PALS2: variants seen among roughly 807,000 people sequenced by gnomAD.
The protein encoded by PALS2 is protein associated with LIN7 2, MAGUK p55 family member, also known as protein PALS2.
PALS2 carries 27 observed loss-of-function variants against 61.6 expected under a neutral mutation model. The observed-to-expected ratio is 0.44, with a 90% CI of 0.32 to 0.60. The LOEUF (loss-of-function observed/expected upper bound fraction) is 0.60. Among genes scored for constraint, PALS2 ranks in the 20% least tolerant of loss-of-function variants. The pLI, the probability that PALS2 is intolerant of heterozygous loss-of-function variation, is 0.05. For synonymous variants in PALS2, 236 were observed against 218.6 expected, an observed-to-expected ratio of 1.08 and a Z score of -0.70; for missense variants, 554 against 639.4, an observed-to-expected ratio of 0.87 and a Z score of 1.44.
At chr7:24,607,542 C>T (rs1016853094) in intron 1 of PALS2, among the ~76,000 whole-genome samples, 15 of 148,734 alleles carry the variant, frequency 1.0e-4, no homozygotes, top group Admixed American at 3.3e-4. Context: ...TATATATACA[C>T]GTGTATATAT....
chr7:24,646,437 T>G (rs1055907378), intron 3 of PALS2, among the ~76,000 whole-genome samples: 7 of 152,234 alleles, frequency 4.6e-5, no homozygotes, highest in African/African-American at 1.7e-4. Flanking sequence ...TAGTTCTGTT[T>G]ATGTGATGAA....
chr7:24,631,084 C>T (rs902511863), intron 2 of PALS2, among the ~76,000 whole-genome samples: 2 of 152,154 alleles, frequency 1.3e-5, no homozygotes, highest in African/African-American at 2.4e-5. Context: ...CCATAGATTT[C>T]GATTCCTCTA....
chr7:24,585,242 A>G (rs1235744128), intron 1 of PALS2, among the ~76,000 whole-genome samples: 1 of 151,812 alleles, frequency 6.6e-6, no homozygotes, highest in Non-Finnish European at 1.5e-5. Flanking sequence ...GAATCTGTAA[A>G]TTACCTTGGG....
chr7:24,661,479 T>G (rs1786717567), intron 5 of PALS2, among the ~76,000 whole-genome samples: 1 of 152,196 alleles, frequency 6.6e-6, no homozygotes, highest in Admixed American at 6.5e-5. Flanking sequence ...GTCTGAGCTT[T>G]ATGGTTACAA....
intron 6 of PALS2, among the ~76,000 whole-genome samples, 184 bp downstream of exon 6, chr7:24,663,905 TTAA>T (rs944225719): frequency 2.0e-5 from 3 of 152,218 alleles, no homozygotes; most frequent in Non-Finnish European, 2.9e-5. Flanking sequence ...AATTTGCAAC[TTAA>T]TAAGTGCAGA....
rs760118245 is a variant in PALS2, at chr7:24,603,977, C to T, written c.-2-19689C>T. Among the ~76,000 whole-genome samples, 6 of 151,906 alleles carry T rather than the reference C, an allele frequency of 3.9e-5. No homozygotes were observed. The East Asian group carries it at 5.8e-4, about 15-fold the overall frequency. The stretch of plus-strand genomic sequence containing the variant: ...TCATCGGGAAAAATAGTCAATAAAA[C>T]GGACTCTGACTGGGCTCAGTGTTGG... On this transcript the variant is annotated intron_variant, in intron 1 of 11. Transcript: ENST00000222644.
At chr7:24,662,849 G>C (rs1464526279) in intron 5 of PALS2, among the ~76,000 whole-genome samples, 1 of 148,812 alleles carries the variant, frequency 6.7e-6, no homozygotes, top group Non-Finnish European at 1.5e-5. Context: ...TACCAAAAAT[G>C]CATAATTTAA....
rs1435590152 is a variant in PALS2 at position 24,573,465 on chromosome 7, T to A, written c.-131T>A. 5.3e-6 allele frequency: 2 copies of A among 378,510 alleles called. No individual in the cohort carries two copies. 23.4% of individuals were successfully genotyped at this position (378,510 alleles called of 1,614,324 possible). A position where few individuals can be genotyped will look rare whatever the true frequency, so the allele number is the denominator to read the frequency against. ...GCAGTGAGAGACGCATTTCCAGTTC[T>A]CAACTACGAGCCACGAGTTTGCAGA... On this transcript the variant is annotated 5_prime_UTR_variant, in exon 1 of 12. Coordinates refer to ENST00000222644, the MANE Select transcript of PALS2 (RefSeq NM_001303037.2). The surrounding 1 kb of genome is among the most constrained non-coding windows in gnomAD (Gnocchi z 5.3).
chr7:24,626,407 T>C lies in PALS2; in HGVS notation c.117+2623T>C, dbSNP rs572866281. 1.3e-4 allele frequency among the ~76,000 whole-genome samples: 20 copies of C among 152,272 alleles called. No homozygotes were observed. The South Asian group carries it at 3.9e-3, about 30-fold the overall frequency. ...GAAAGGAGAGAGGGAAGAAGAAATA[T>C]AGGTAAACCCTATACTTTTGCATTT... On this transcript the variant is annotated intron_variant, in intron 2 of 11. Coordinates refer to ENST00000222644, the MANE Select transcript of PALS2 (RefSeq NM_001303037.2).
At chr7:24,670,807 T>C (rs1481153670) in intron 9 of PALS2, among the ~76,000 whole-genome samples, 1 of 152,236 alleles carries the variant, frequency 6.6e-6, no homozygotes, top group Non-Finnish European at 1.5e-5. Context: ...TGTGGTGTTT[T>C]GTGACTGGCT....
intron 9 of PALS2, among the ~76,000 whole-genome samples, chr7:24,670,876 C>T (rs562113964): frequency 6.6e-6 from 1 of 152,238 alleles, no homozygotes; most frequent in South Asian, 2.1e-4. Flanking sequence ...TTTTCTTTTC[C>T]TTGCTAAGTG....
chr7:24,598,701 C>T (rs1783609584), intron 1 of PALS2, among the ~76,000 whole-genome samples: 2 of 152,080 alleles, frequency 1.3e-5, no homozygotes, highest in East Asian at 3.9e-4. Flanking sequence ...CTATTATGAG[C>T]AAGGTTTTAT....
chr7:24,582,518 T>C (rs1426540537), intron 1 of PALS2, among the ~76,000 whole-genome samples: 1 of 152,038 alleles, frequency 6.6e-6, no homozygotes, highest in East Asian at 1.9e-4. Flanking sequence ...AGTGCTTGCG[T>C]TACTTTTCTA....
At chr7:24,644,652 G>A (rs768386817) in intron 3 of PALS2, among the ~76,000 whole-genome samples, 20 of 151,914 alleles carry the variant, frequency 1.3e-4, no homozygotes, top group Non-Finnish European at 2.5e-4. Flanking sequence ...ATTCCTCTGG[G>A]TATATACCCA....
intron 1 of PALS2, among the ~76,000 whole-genome samples, chr7:24,612,463 T>C (rs1157063580): frequency 2.0e-5 from 3 of 151,872 alleles, no homozygotes; most frequent in Non-Finnish European, 4.4e-5. Flanking sequence ...AAAATGCTTT[T>C]GGGATTTCTA....
intron 2 of PALS2, among the ~76,000 whole-genome samples, chr7:24,639,710 A>AAAT (rs1486770530): frequency 6.6e-6 from 1 of 151,520 alleles, no homozygotes; most frequent in Admixed American, 6.6e-5. Flanking sequence ...CTTTTATGAT[A>AAAT]AATATTGAGT....
At chr7:24,639,536 G>A (rs760600457) in intron 2 of PALS2, among the ~76,000 whole-genome samples, 10 of 151,360 alleles carry the variant, frequency 6.6e-5, no homozygotes, top group Non-Finnish European at 1.5e-4. Context: ...TTTATACTAT[G>A]TTAAAAGAAT....
chr7:24,672,946 G>A (rs976012195), intron 9 of PALS2, among the ~76,000 whole-genome samples: 42 of 152,152 alleles, frequency 2.8e-4, no homozygotes, highest in African/African-American at 1.0e-3. Context: ...GTGTAATAGT[G>A]TAATAGAAGT....
Position 24,665,680 on chromosome 7 carries a change from C to T in PALS2, c.876C>T (p.Asp292=). ...AGGCATTTGTTAGAAGAGACTGGGA[C>T]AATTCAGGTGATGAGCTCGACACAA... is the stretch of plus-strand genomic sequence containing the variant. The part of the protein sequence containing the change: ...KRKAFVRRDW[D]NSGPFCGTIS... The change falls in exon 7 of 12, where the codon GAC becomes GAT. Residue 292 remains aspartate (D), a synonymous_variant. Coordinates refer to ENST00000222644, the MANE Select transcript of PALS2 (RefSeq NM_001303037.2). 1 of 1,613,166 alleles carries T rather than the reference C, an allele frequency of 6.2e-7. No individual in the cohort carries two copies. Among genetic ancestry groups the T allele is most frequent in the South Asian group, 1.1e-5 (1 of 91,028 alleles).
Sources: gnomAD v4.1 joint callset for allele counts (sites outside exome capture counted in the v4.1 genomes callset) on GRCh38, gnomAD v4.1.1 for gene constraint, Gnocchi (gnomAD v3.1) non-coding constraint, MANE v1.5 for transcripts, NCBI Gene and HGNC (gene_info 2026-07-23, HGNC 2026-07-21) for gene names.